The following N4BP2 variants were observed in gnomAD, a reference collection of about 807,000 sequenced individuals.
N4BP2 encodes NEDD4-binding protein 2.
N4BP2 carries 91 observed loss-of-function variants against 152.8 expected under a neutral mutation model. That is an observed-to-expected ratio of 0.60 (90% CI 0.50 to 0.71). N4BP2 has a LOEUF of 0.71. N4BP2 is among the 30% of genes least tolerant of loss of function. N4BP2 has a pLI of 0.00. For missense variants in N4BP2, 1,923 were observed against 2,059.1 expected, an observed-to-expected ratio of 0.93 and a Z score of 1.28; for synonymous variants, 646 against 705.3, an observed-to-expected ratio of 0.92 and a Z score of 1.33.
chr4:40,158,386 C>A (rs1201029315), downstream of N4BP2: 1 of 152,066 alleles, frequency 6.6e-6, no homozygotes, highest in Non-Finnish European at 1.5e-5. Flanking sequence ...CAAAACTTTT[C>A]TTCTGGTTTA....
chr4:40,140,380 G>A (rs989861278), intron 14 of N4BP2, among the ~76,000 whole-genome samples: 9 of 152,150 alleles, frequency 5.9e-5, no homozygotes, highest in Non-Finnish European at 1.3e-4. Flanking sequence ...GGCCAAATTG[G>A]CAATGAAGTT....
chr4:40,127,203 CTTCTT>C (rs1444636160), intron 12 of N4BP2, among the ~76,000 whole-genome samples: 1 of 151,680 alleles, frequency 6.6e-6, no homozygotes, highest in Non-Finnish European at 1.5e-5. Context: ...GCATCTTCTT[CTTCTT>C]TTTTTCTTTT....
At chr4:40,064,944 A>G (rs1336415702) in intron 1 of N4BP2, among the ~76,000 whole-genome samples, 9 of 152,020 alleles carry the variant, frequency 5.9e-5, no homozygotes, top group African/African-American at 2.2e-4. Flanking sequence ...TAAGTTTTGT[A>G]TTTTTAGTAG....
In N4BP2 at chr4:40,158,241, A is replaced by G. The variant is rs983119927; in HGVS notation, c.*4004A>G. On this transcript the variant is annotated 3_prime_UTR_variant, in exon 18 of 18. Transcript: ENST00000261435. ...AATTACATACTTAATTTAATAAAAT[A>G]CTTTAGCCACAGTCCAGTGTGAGGA... 2.0e-5 allele frequency: 3 copies of G among 152,238 alleles called. No individual in the cohort carries two copies. Among genetic ancestry groups the G allele is most frequent in the Non-Finnish European group, 4.4e-5 (3 of 68,034 alleles). 9.4% of individuals were successfully genotyped at this position (152,238 alleles called of 1,614,324 possible). A position where few individuals can be genotyped will look rare whatever the true frequency, so the allele number is the denominator to read the frequency against.
At chr4:40,147,535 C>G (rs1434727830) in intron 16 of N4BP2, among the ~76,000 whole-genome samples, 1 of 146,816 alleles carries the variant, frequency 6.8e-6, no homozygotes, top group Admixed American at 6.8e-5. Context: ...GCTGGCCGGG[C>G]AGAGGCGCCC....
intron 2 of N4BP2, among the ~76,000 whole-genome samples, chr4:40,083,270 G>T (rs532295849): frequency 9.9e-5 from 15 of 152,126 alleles, no homozygotes; most frequent in Non-Finnish European, 2.1e-4. Flanking sequence ...TTGGAAAACC[G>T]TTTGGCAGTT....
chr4:40,101,179 G>A (rs1715612870), intron 3 of N4BP2, among the ~76,000 whole-genome samples: 1 of 151,902 alleles, frequency 6.6e-6, no homozygotes. Flanking sequence ...ATTGTTGAGA[G>A]GGAGTCTCGC....
At chr4:40,167,371 C>G in the N4BP2 span, 1 of 152,288 alleles carries the variant, frequency 6.6e-6, no homozygotes, top group Admixed American at 6.5e-5. Context: ...AAAAGGCATA[C>G]ACCTAAACAT....
At chr4:40,104,109 C>T (rs1023562216) in intron 4 of N4BP2, among the ~76,000 whole-genome samples, 1 of 152,048 alleles carries the variant, frequency 6.6e-6, no homozygotes, top group East Asian at 1.9e-4. Flanking sequence ...CCCACCACCA[C>T]GCCCAGCTAC....
intron 16 of N4BP2, among the ~76,000 whole-genome samples, chr4:40,146,169 A>C (rs1221021372): frequency 2.0e-5 from 3 of 151,628 alleles, no homozygotes; most frequent in Non-Finnish European, 4.4e-5. Context: ...TCTCAAAAAT[A>C]AATAAATAAA....
intron 12 of N4BP2, among the ~76,000 whole-genome samples, chr4:40,129,425 C>T (rs746781370): frequency 2.0e-5 from 3 of 152,090 alleles, no homozygotes; most frequent in Non-Finnish European, 2.9e-5. Flanking sequence ...TGGGGTTTCA[C>T]CATGTTGGCC....
intron 7 of N4BP2, among the ~76,000 whole-genome samples, chr4:40,113,784 G>A (rs1001739926): frequency 4.6e-5 from 7 of 151,990 alleles, no homozygotes; most frequent in Non-Finnish European, 1.0e-4. Flanking sequence ...TAGAGACAGG[G>A]TCTTGCCATG....
chr4:40,074,423 G>A (rs1419169864), intron 2 of N4BP2, among the ~76,000 whole-genome samples: 1 of 144,230 alleles, frequency 6.9e-6, no homozygotes, highest in African/African-American at 2.5e-5. Flanking sequence ...TGCCCAGGCT[G>A]GTCTCAAACT....
At position 40,153,001 on chromosome 4, in the gene N4BP2, T is replaced by C. The variant is rs1309941887; in HGVS notation, c.5267+98T>C. The C allele has an allele frequency of 5.0e-6, 6 of 1,192,874 alleles. No homozygotes were observed. The South Asian group carries it at 5.5e-5, about 11-fold the overall frequency. 73.9% of individuals were successfully genotyped at this position (1,192,874 alleles called of 1,614,324 possible). The stretch of plus-strand genomic sequence containing the variant: ...AGATTTCTGTTATTGATAATAGCAA[T>C]AGCCCTAATATAGCTAGGTAAATAA... On this transcript the variant is annotated intron_variant, in intron 17 of 17. Transcript: ENST00000261435.
rs758804353 is a variant in N4BP2, at chr4:40,126,183, A to G, written c.4380A>G (p.Ser1460=). 15 of 1,607,290 alleles carry G rather than the reference A, an allele frequency of 9.3e-6. No homozygotes were observed. The highest frequency in any genetic ancestry group is 1.3e-5 in the Non-Finnish European group (15 of 1,177,966). Residue 1460 remains serine (S), a synonymous_variant, in exon 12 of 18, where the codon TCA becomes TCG. Transcript: ENST00000261435. ...GGCTTGATAATCCTGAACAAAAATC[A>G]TCTCAGAGAACAGGCAAAAAATTAC... The part of the protein sequence containing the change: ...HTGLDNPEQK[S]SQRTGKKLLK...
the N4BP2 span, among the ~76,000 whole-genome samples, chr4:40,181,064 T>C: frequency 2.6e-5 from 4 of 152,096 alleles, no homozygotes; most frequent in Non-Finnish European, 4.4e-5. Context: ...ACAGGAGAAT[T>C]GCTTGAACCT....
At chr4:40,149,892 A>G (rs113039135) in intron 16 of N4BP2, among the ~76,000 whole-genome samples, 43,574 of 147,770 alleles carry the variant, frequency 0.29, 6,623 homozygotes, top group South Asian at 0.48. Flanking sequence ...GCGAGACTCC[A>G]TCTCAAAAAG....
chr4:40,162,756 G>A (rs142192697), downstream of N4BP2, among the ~76,000 whole-genome samples: 275 of 152,224 alleles, frequency 1.8e-3, 1 homozygote, highest in Non-Finnish European at 2.6e-3. Flanking sequence ...AGATAGATAG[G>A]GGATTTATCA....
At chr4:40,081,014 A>G (rs1474247707) in intron 2 of N4BP2, among the ~76,000 whole-genome samples, 2 of 151,576 alleles carry the variant, frequency 1.3e-5, no homozygotes, top group Non-Finnish European at 2.9e-5. Context: ...AAAACTGCCT[A>G]TATGTTTAGA....
Sources: allele counts gnomAD v4.1 joint callset (sites outside exome capture counted in the v4.1 genomes callset), GRCh38; gene constraint gnomAD v4.1.1; transcripts MANE v1.5; gene names NCBI Gene and HGNC (gene_info 2026-07-23, HGNC 2026-07-21).